HDAC4: variants seen among roughly 807,000 people sequenced by gnomAD.
The protein encoded by HDAC4 is histone deacetylase A.
In HDAC4, 16 loss-of-function variants were observed where a neutral mutation model predicts 135.1. The observed-to-expected ratio is 0.12, with a 90% confidence interval of 0.08 to 0.18. The LOEUF is 0.18. HDAC4 is among the 10% of genes least tolerant of loss of function. The pLI is 1.00. For synonymous variants in HDAC4, 685 were observed against 653.4 expected, an observed-to-expected ratio of 1.05 and a Z score of -0.74; for missense variants, 1,143 against 1,511.8, an observed-to-expected ratio of 0.76 and a Z score of 4.05.
intron 1 of HDAC4, among the ~76,000 whole-genome samples, chr2:239,363,426 T>A (rs74512724): frequency 6.6e-6 from 1 of 152,214 alleles, no homozygotes; most frequent in African/African-American, 2.4e-5. Context: ...AAGGAGAATA[T>A]GCTAGAATGA....
At chr2:239,241,062 T>C (rs1388383831) in intron 2 of HDAC4, among the ~76,000 whole-genome samples, 1 of 151,352 alleles carries the variant, frequency 6.6e-6, no homozygotes, top group African/African-American at 2.4e-5. Context: ...GATCACGGAG[T>C]GAGCACCAGC....
intron 2 of HDAC4, among the ~76,000 whole-genome samples, chr2:239,244,297 G>C (rs761025762): frequency 6.6e-6 from 1 of 152,192 alleles, no homozygotes; most frequent in Non-Finnish European, 1.5e-5. Context: ...TCTGCTGGGA[G>C]GATTGGCCAT....
chr2:239,331,291 A>T lies in HDAC4; in HGVS notation c.22+21387T>A, dbSNP rs1450658080. 1.3e-5 allele frequency among the ~76,000 whole-genome samples: 2 copies of T among 151,684 alleles called. No homozygotes were observed. The highest frequency in any genetic ancestry group is 3.9e-4 in the East Asian group (2 of 5,180). ...GAAAACGGTAAAAGCCACGAGAAGG[A>T]GGCAGGATGGGGGAGGGAAGACAAG... On this transcript the variant is annotated intron_variant, in intron 2 of 26. Coordinates refer to ENST00000543185, the MANE Select transcript of HDAC4 (RefSeq NM_001378414.1). The surrounding 1 kb of genome is among the most constrained non-coding windows in gnomAD (Gnocchi z 4.5).
chr2:239,327,468 A>C (rs913182400), intron 2 of HDAC4, among the ~76,000 whole-genome samples: 1 of 152,234 alleles, frequency 6.6e-6, no homozygotes, highest in African/African-American at 2.4e-5. Context: ...ACAATACGGA[A>C]GTCTTTTCTC....
At chr2:239,220,365 A>T (rs1458501129) in intron 3 of HDAC4, among the ~76,000 whole-genome samples, 2 of 152,264 alleles carry the variant, frequency 1.3e-5, no homozygotes, top group Admixed American at 1.3e-4. Flanking sequence ...GAACCCAAAC[A>T]AATAAAAACA....
intron 1 of HDAC4, among the ~76,000 whole-genome samples, chr2:239,355,124 G>A (rs1423891681): frequency 2.0e-5 from 3 of 152,166 alleles, no homozygotes; most frequent in East Asian, 1.9e-4. Context: ...ATTCAAAAAC[G>A]TTGTCAGAAG....
At chr2:239,287,797 G>A (rs2051221232) in intron 2 of HDAC4, among the ~76,000 whole-genome samples, 1 of 152,138 alleles carries the variant, frequency 6.6e-6, no homozygotes, top group Non-Finnish European at 1.5e-5. Context: ...GGTACACAGA[G>A]ACAAATCCAG....
At chr2:239,292,105 C>T (rs879760472) in intron 2 of HDAC4, among the ~76,000 whole-genome samples, 1 of 152,184 alleles carries the variant, frequency 6.6e-6, no homozygotes, top group Non-Finnish European at 1.5e-5. Flanking sequence ...ACGGCCACGC[C>T]AGGGGCTGTG....
chr2:239,191,548 C>T (rs554083177), intron 3 of HDAC4, among the ~76,000 whole-genome samples: 16 of 152,356 alleles, frequency 1.1e-4, no homozygotes, highest in Admixed American at 9.8e-4. Context: ...CAGGACTCAG[C>T]CTTCTCCTGA....
intron 9 of HDAC4, among the ~76,000 whole-genome samples, chr2:239,136,130 A>T (rs907152540): frequency 3.3e-5 from 5 of 152,334 alleles, no homozygotes; most frequent in Middle Eastern, 3.4e-3. Context: ...AAGAGAAGGA[A>T]TAAAATGTTG....
At position 239,141,352 on chromosome 2, in the gene HDAC4, G is replaced by A. The variant is rs1363449137; in HGVS notation, c.866-1556C>T. ...GGCTCTTGGAGCTCAAAAGAGTGTG[G>A]GGTCAGCTCACTGTCCTGGGCATTG... is the stretch of plus-strand genomic sequence containing the variant. On this transcript the variant is annotated intron_variant, in intron 8 of 26. Transcript: ENST00000543185. The surrounding 1 kb of genome is among the most constrained non-coding windows in gnomAD (Gnocchi z 4.9). Among the ~76,000 whole-genome samples the A allele has an allele frequency of 2.0e-5, 3 of 152,140 alleles. No homozygotes were observed. The East Asian group carries it at 5.8e-4, about 29-fold the overall frequency.
At chr2:239,087,473 G>C in intron 19 of HDAC4, 86 bp downstream of exon 19, 1 of 1,320,790 alleles carries the variant, frequency 7.6e-7, no homozygotes, top group Non-Finnish European at 1.1e-6. Context: ...CCAGCTCCCC[G>C]CAGTCACTCA....
In HDAC4 at chr2:239,400,124, C is replaced by T. The variant is rs1696848372; in HGVS notation, c.-220+854G>A. ...CAACGCCGGCAAACGCGGATCCCAC[C>T]CCCGAGCGGGACCGGGCCCCGTCTC... On this transcript the variant is annotated intron_variant, in intron 1 of 26. Transcript: ENST00000543185. This position sits in a 1 kb window ranked among gnomAD's most constrained non-coding sequence, Gnocchi z 4.7. 6.6e-6 allele frequency among the ~76,000 whole-genome samples: 1 copy of T among 151,968 alleles called. No homozygotes were observed. The highest frequency in any genetic ancestry group is 6.5e-5 in the Admixed American group (1 of 15,280).
chr2:239,125,515 C>T (rs937327257), intron 12 of HDAC4, among the ~76,000 whole-genome samples: 2 of 152,132 alleles, frequency 1.3e-5, no homozygotes, highest in African/African-American at 4.8e-5. Context: ...GCAGGAATGG[C>T]CTGAAACAGG....
rs1255800105 is a variant in HDAC4 at position 239,165,293 on chromosome 2, G to A, written c.491-1370C>T. Among the ~76,000 whole-genome samples, 11 of 152,182 alleles carry A rather than the reference G, an allele frequency of 7.2e-5. 1 individual carries two copies. Among genetic ancestry groups the A allele is most frequent in the Admixed American group, 7.2e-4 (11 of 15,284 alleles). On this transcript the variant is annotated intron_variant, in intron 5 of 26. Coordinates refer to ENST00000543185, the MANE Select transcript of HDAC4 (RefSeq NM_001378414.1). ...CTGAACCACCCATCCACCTGCAGCAGGGGCAGCTGCTCCTCCTGCTGGTCC... is the reference window on the plus strand; with the variant it reads ...CTGAACCACCCATCCACCTGCAGCAAGGGCAGCTGCTCCTCCTGCTGGTCC...
intron 2 of HDAC4, among the ~76,000 whole-genome samples, chr2:239,337,228 A>G (rs1691995744): frequency 1.3e-5 from 2 of 152,206 alleles, no homozygotes; most frequent in Admixed American, 6.5e-5. Flanking sequence ...AGTGGAGGAA[A>G]TGGCAAGGCT....
chr2:239,112,280 T>C (rs73097647), intron 13 of HDAC4, among the ~76,000 whole-genome samples: 9,952 of 152,268 alleles, frequency 0.065, 1,124 homozygotes, highest in African/African-American at 0.23. Flanking sequence ...AACCCCCTTG[T>C]TGGGTTTGTG....
intron 11 of HDAC4, among the ~76,000 whole-genome samples, chr2:239,127,948 C>T (rs900005775): frequency 6.6e-6 from 1 of 152,238 alleles, no homozygotes; most frequent in African/African-American, 2.4e-5. Flanking sequence ...TCTCAAGTCC[C>T]TTTGCAGGGG....
chr2:239,183,447 T>C (rs961219664), intron 4 of HDAC4, among the ~76,000 whole-genome samples: 3 of 152,196 alleles, frequency 2.0e-5, no homozygotes, highest in African/African-American at 7.2e-5. Context: ...CCACGGACGG[T>C]AAGCTGCCGC....
Sources: gnomAD v4.1 joint callset for allele counts (sites outside exome capture counted in the v4.1 genomes callset) on GRCh38, gnomAD v4.1.1 for gene constraint, Gnocchi (gnomAD v3.1) non-coding constraint, MANE v1.5 for transcripts, NCBI Gene and HGNC (gene_info 2026-07-23, HGNC 2026-07-21) for gene names.